DYNC2H1: variants seen among roughly 807,000 people sequenced by gnomAD.
The protein encoded by DYNC2H1 is dynein cytoplasmic 2 heavy chain 1.
DYNC2H1 carries 410 observed loss-of-function variants against 570.0 expected under a neutral mutation model. That is an observed-to-expected ratio of 0.72 (90% CI 0.66 to 0.78). DYNC2H1 has a LOEUF of 0.78. Ranked by LOEUF, DYNC2H1 falls within the 30% of genes least tolerant of loss-of-function variation. The pLI, the probability that DYNC2H1 is intolerant of heterozygous loss-of-function variation, is 0.00. For synonymous variants in DYNC2H1, 1,688 were observed against 1,677.6 expected (o/e 1.01, Z -0.15); for missense variants, 4,865 against 5,046.4 (o/e 0.96, Z 1.09).
At chr11:103,347,865 A>G (rs928538938) in intron 82 of DYNC2H1, among the ~76,000 whole-genome samples, 2 of 152,082 alleles carry the variant, frequency 1.3e-5, no homozygotes, top group Non-Finnish European at 2.9e-5. Flanking sequence ...CAGTCATGCC[A>G]GGCACCAACC....
chr11:103,132,672 GTGTGA>G (rs1369987441), intron 13 of DYNC2H1, among the ~76,000 whole-genome samples: 4 of 151,970 alleles, frequency 2.6e-5, no homozygotes, highest in Non-Finnish European at 4.4e-5. Flanking sequence ...GTGTGTGTGT[GTGTGA>G]TGAGTTTCCT....
chr11:103,214,352 G>T (rs1425813120), intron 54 of DYNC2H1, among the ~76,000 whole-genome samples: 1 of 151,838 alleles, frequency 6.6e-6, no homozygotes, highest in Non-Finnish European at 1.5e-5. Flanking sequence ...AAATTTCTGT[G>T]AAGAATGTAA....
chr11:103,400,158 C>T (rs749306629), intron 84 of DYNC2H1, among the ~76,000 whole-genome samples: 1 of 152,108 alleles, frequency 6.6e-6, no homozygotes, highest in Non-Finnish European at 1.5e-5. Context: ...TGGGGCAGGT[C>T]CCCTATACAT....
chr11:103,301,610 A>G (rs1001215896), intron 75 of DYNC2H1, among the ~76,000 whole-genome samples: 3 of 151,950 alleles, frequency 2.0e-5, no homozygotes, highest in African/African-American at 7.2e-5. Flanking sequence ...CAATTCATCA[A>G]TTTTAAGTGG....
chr11:103,323,940 G>A lies in DYNC2H1; in HGVS notation c.11989G>A (p.Gly3997Ser). The A allele has an allele frequency of 6.2e-7, 1 of 1,612,794 alleles. No homozygotes were observed. Among genetic ancestry groups the A allele is most frequent in the Non-Finnish European group, 8.5e-7 (1 of 1,179,286 alleles). Reference sequence around the variant, plus strand: ...AGAGGACGACAAACCTAGTTTCTTTGGTCTGCCTGCCAATATCGCTCGCTC... The same window carrying A: ...AGAGGACGACAAACCTAGTTTCTTTAGTCTGCCTGCCAATATCGCTCGCTC... ...IPEDDKPSFF[G>S]LPANIARSSQ... Residue 3997 changes from glycine (G) to serine (S), a missense_variant, in exon 82 of 89, where the codon GGT becomes AGT. Gly to Ser is a moderately conservative substitution (Grantham distance 56). This residue lies in a region of DYNC2H1 where 2,401 missense variants were observed against 2,454.6 expected (regional missense o/e 0.98). Transcript: ENST00000375735.
At chr11:103,172,834 T>C (rs1425638794) in intron 34 of DYNC2H1, among the ~76,000 whole-genome samples, 1 of 152,014 alleles carries the variant, frequency 6.6e-6, no homozygotes, top group Non-Finnish European at 1.5e-5. Flanking sequence ...AAAAAACTGA[T>C]TGTAAATAAA....
chr11:103,253,589 T>A, intron 66 of DYNC2H1, 141 bp downstream of exon 66: 1 of 812,960 alleles, frequency 1.2e-6, no homozygotes, highest in South Asian at 2.6e-5. Flanking sequence ...TATGTTGGAG[T>A]GAAGCATTCT....
intron 84 of DYNC2H1, among the ~76,000 whole-genome samples, chr11:103,426,874 G>A (rs980257055): frequency 2.0e-5 from 3 of 152,104 alleles, no homozygotes; most frequent in South Asian, 2.1e-4. Flanking sequence ...CAAGTGAAAC[G>A]AACAATTACT....
Position 103,120,954 on chromosome 11 carries a change from G to A in DYNC2H1, c.1278G>A (p.Glu426=). ...QLLQAFLKYK[E]LVKRPTISKE... is the part of the protein sequence containing the mutation. ...TTCAAGCATTCCTGAAATATAAAGA[G>A]TTGGTAAAGCGTCCAACTATAAGCA... Residue 426 remains glutamate, a synonymous_variant, in exon 9 of 89, where the codon GAG becomes GAA. Transcript: ENST00000375735. The A allele has an allele frequency of 8.3e-6, 13 of 1,561,204 alleles. No homozygotes were observed. Among genetic ancestry groups the A allele is most frequent in the Admixed American group, 3.7e-5 (2 of 53,354 alleles).
Position 103,211,885 on chromosome 11 carries a change from A to G in DYNC2H1, c.8636A>G (p.Tyr2879Cys). 1.3e-6 allele frequency: 2 copies of G among 1,537,292 alleles called. No individual in the cohort carries two copies. Among genetic ancestry groups the G allele is most frequent in the Middle Eastern group, 1.7e-4 (1 of 5,862 alleles). The part of the protein sequence containing the change: ...PSRYMTFLHV[Y>C]SAISSSKKKE... The stretch of plus-strand genomic sequence containing the variant: ...CGATACATGACCTTTTTACATGTGT[A>G]TTCTGCCATTAGTAGTAGCAAGAAA... Residue 2879 changes from tyrosine (Y) to cysteine (C), a missense_variant, in exon 54 of 89, where the codon TAT (tyrosine) becomes TGT (cysteine). By Grantham distance (194) the Tyr-to-Cys change is radical. This residue lies in a region of DYNC2H1 where 2,401 missense variants were observed against 2,454.6 expected (regional missense o/e 0.98). Coordinates refer to ENST00000375735, the MANE Select transcript of DYNC2H1 (RefSeq NM_001377.3).
intron 6 of DYNC2H1, among the ~76,000 whole-genome samples, chr11:103,119,011 C>A (rs1858561100): frequency 1.3e-5 from 2 of 152,090 alleles, no homozygotes; most frequent in Non-Finnish European, 2.9e-5. Context: ...TTTTATTAGT[C>A]ATGACTTTTC....
At chr11:103,415,192 A>G (rs1007906503) in intron 84 of DYNC2H1, among the ~76,000 whole-genome samples, 2 of 152,202 alleles carry the variant, frequency 1.3e-5, no homozygotes, top group African/African-American at 4.8e-5. Flanking sequence ...CTTAAATGTT[A>G]GACCTCAAAC....
At chr11:103,270,563 T>A (rs1467302976) in intron 70 of DYNC2H1, among the ~76,000 whole-genome samples, 1 of 150,148 alleles carries the variant, frequency 6.7e-6, no homozygotes, top group East Asian at 2.0e-4. Context: ...TGATGAAAAT[T>A]ATATGATGTG....
In DYNC2H1 at chr11:103,243,912, C is replaced by T. The variant is rs947347229; in HGVS notation, c.9918+121C>T. The T allele has an allele frequency of 3.0e-5, 17 of 573,534 alleles. No individual in the cohort carries two copies. Among genetic ancestry groups the T allele is most frequent in the South Asian group, 2.1e-4 (5 of 23,418 alleles). 35.5% of individuals were successfully genotyped at this position (573,534 alleles called of 1,614,324 possible). On this transcript the variant is annotated intron_variant, in intron 64 of 88. Coordinates refer to ENST00000375735, the MANE Select transcript of DYNC2H1 (RefSeq NM_001377.3). The surrounding 1 kb of genome is among the most constrained non-coding windows in gnomAD (Gnocchi z 4.8). Reference sequence around the variant, plus strand: ...GGGTCCTACTGTATGGGACCTTGGGCGAGAGATATAACTCTTAGCTTCAGT... The same window carrying T: ...GGGTCCTACTGTATGGGACCTTGGGTGAGAGATATAACTCTTAGCTTCAGT...
chr11:103,475,128 T>C (rs1391331522), intron 88 of DYNC2H1, among the ~76,000 whole-genome samples: 1 of 152,216 alleles, frequency 6.6e-6, no homozygotes, highest in Admixed American at 6.5e-5. Context: ...TTAGCCTCAT[T>C]ATTGAACAGA....
chr11:103,288,164 A>C (rs960168370), intron 75 of DYNC2H1, among the ~76,000 whole-genome samples: 2 of 152,150 alleles, frequency 1.3e-5, no homozygotes, highest in South Asian at 2.1e-4. Context: ...CACAGGCTGC[A>C]TTACCCCTAA....
intron 83 of DYNC2H1, among the ~76,000 whole-genome samples, chr11:103,389,268 C>G (rs2514393): frequency 0.97 from 147,019 of 152,284 alleles, 71,190 homozygotes; most frequent in Middle Eastern, 1. Flanking sequence ...ATTTCTTCTA[C>G]ATTTTCTAGT....
chr11:103,120,405 T>C (rs746993280), intron 6 of DYNC2H1, 42 bp from the exon 7 acceptor site: 1 of 1,500,592 alleles, frequency 6.7e-7, no homozygotes, highest in South Asian at 1.4e-5. Flanking sequence ...ATGCAAATGG[T>C]TGGATTTAAA....
chr11:103,248,337 G>T (rs1285460505), intron 65 of DYNC2H1, among the ~76,000 whole-genome samples: 1 of 151,868 alleles, frequency 6.6e-6, no homozygotes, highest in South Asian at 2.1e-4. Flanking sequence ...CCTATATGGA[G>T]GTTCTCATGG....
Sources: gnomAD v4.1 joint callset for allele counts (sites outside exome capture counted in the v4.1 genomes callset) on GRCh38, gnomAD v4.1.1 for gene constraint, gnomAD v4.1.1 regional missense constraint, Gnocchi (gnomAD v3.1) non-coding constraint, MANE v1.5 for transcripts, NCBI Gene and HGNC (gene_info 2026-07-23, HGNC 2026-07-21) for gene names.